Variants in ANKRD17 observed in about 807,000 individuals in gnomAD.
ANKRD17 encodes ankyrin repeat domain 17, also known as ankyrin repeat domain-containing protein 17.
ANKRD17 carries 19 observed loss-of-function variants against 229.7 expected under a neutral mutation model. That is an observed-to-expected ratio of 0.08 (90% CI 0.06 to 0.12). The LOEUF is 0.12. ANKRD17 is among the 10% of genes least tolerant of loss of function. The pLI is 1.00. For synonymous variants in ANKRD17, 1,112 were observed against 1,146.1 expected, an observed-to-expected ratio of 0.97 and a Z score of 0.60; for missense variants, 2,176 against 3,176.8, an observed-to-expected ratio of 0.68 and a Z score of 7.57.
chr4:73,233,330 T>C (rs781769094), intron 1 of ANKRD17, among the ~76,000 whole-genome samples: 15 of 152,192 alleles, frequency 9.9e-5, no homozygotes, highest in Non-Finnish European at 1.5e-4. Context: ...ATTATTTTTA[T>C]ATTATAAAGG....
intron 1 of ANKRD17, among the ~76,000 whole-genome samples, chr4:73,205,638 C>T (rs145933969): frequency 6.6e-6 from 1 of 152,110 alleles, no homozygotes; most frequent in Non-Finnish European, 1.5e-5. Flanking sequence ...TGCAAAACTA[C>T]TAGAAGAAAA....
intron 2 of ANKRD17, among the ~76,000 whole-genome samples, chr4:73,175,648 T>A (rs1734639933): frequency 6.6e-6 from 1 of 152,092 alleles, no homozygotes; most frequent in Non-Finnish European, 1.5e-5. Context: ...CAGGAATAAA[T>A]CCATACATCT....
At chr4:73,127,214 CA>C (rs1457452856) in intron 16 of ANKRD17, among the ~76,000 whole-genome samples, 1 of 152,074 alleles carries the variant, frequency 6.6e-6, no homozygotes, top group Non-Finnish European at 1.5e-5. Flanking sequence ...GGTGCTAAAA[CA>C]GGAAAGTCCC....
intron 2 of ANKRD17, among the ~76,000 whole-genome samples, chr4:73,175,477 A>G (rs1734614845): frequency 6.6e-6 from 1 of 152,216 alleles, no homozygotes; most frequent in Non-Finnish European, 1.5e-5. Context: ...AAGGAACCTC[A>G]AAAGATCCAG....
rs750473823 is a variant in ANKRD17 at position 73,090,873 on chromosome 4, C to T, written c.6755G>A (p.Gly2252Glu). 4.3e-6 allele frequency: 7 copies of T among 1,614,124 alleles called. No homozygotes were observed. The highest frequency in any genetic ancestry group is 5.9e-6 in the Non-Finnish European group (7 of 1,180,026). Residue 2252 changes from glycine to glutamate, a missense_variant, in exon 29 of 34, where the codon GGG becomes GAG. By Grantham distance (98) the Gly-to-Glu change is moderately conservative. This residue lies in a region of ANKRD17 where 424 missense variants were observed against 454.0 expected (regional missense o/e 0.93). Coordinates refer to ENST00000358602, the MANE Select transcript of ANKRD17 (RefSeq NM_032217.5). ...GTTTTCAAACAATGTGCTAAAGGGC[C>T]CAAATGGTAAGGGGGCACTGAAATT... ...APNFSAPLPFGPFSTLFENSP... is the reference protein window; with the variant it reads ...APNFSAPLPFEPFSTLFENSP...
chr4:73,131,416 A>C (rs2148759561), intron 16 of ANKRD17, among the ~76,000 whole-genome samples: 1 of 152,364 alleles, frequency 6.6e-6, no homozygotes, highest in African/African-American at 2.4e-5. Context: ...TTAGCATTTT[A>C]AAAGGAGTTA....
chr4:73,182,051 C>CAAAAAAAAAAAAAA (rs143812968), intron 1 of ANKRD17, among the ~76,000 whole-genome samples: 1 of 43,258 alleles, frequency 2.3e-5, no homozygotes, highest in Non-Finnish European at 3.6e-5. Flanking sequence ...CCGTCCCCAC[C>CAAAAAAAAAAAAAA]AAAAAAAAAA....
intron 15 of ANKRD17, among the ~76,000 whole-genome samples, chr4:73,136,157 A>C (rs1299473099): frequency 6.6e-6 from 1 of 152,128 alleles, no homozygotes; most frequent in African/African-American, 2.4e-5. Flanking sequence ...TTATTCTCTC[A>C]TTGCCTTATT....
chr4:73,088,680 T>C (rs561882618), intron 29 of ANKRD17, among the ~76,000 whole-genome samples: 3 of 152,326 alleles, frequency 2.0e-5, no homozygotes, highest in South Asian at 4.1e-4. Flanking sequence ...ATAGTACACA[T>C]AAATATTTCA....
rs1483006536 is a variant in ANKRD17, at chr4:73,139,602, T to G, written c.3014A>C (p.Glu1005Ala). Residue 1005 changes from glutamate to alanine, a missense_variant, in exon 15 of 34, where the codon GAA becomes GCA. Around this residue, in one of 18 missense-constraint regions of ANKRD17, gnomAD observed 230 missense variants for 252.3 expected, o/e 0.91. Transcript: ENST00000358602. ...LAGLGQGILT[E>A]TQQGLMVASP... is the part of the protein sequence containing the mutation. ...GGCTACCATTAACCCTTGTTGTGTT[T>G]CTGTCAGAATTCCTTGCCCCAGCCC... is the stretch of plus-strand genomic sequence containing the variant. The G allele has an allele frequency of 6.2e-7, 1 of 1,614,160 alleles. No individual in the cohort carries two copies.
chr4:73,135,952 A>T (rs1056854491), intron 15 of ANKRD17, among the ~76,000 whole-genome samples: 1 of 152,224 alleles, frequency 6.6e-6, no homozygotes, highest in Non-Finnish European at 1.5e-5. Flanking sequence ...AAATTAAAAG[A>T]TTAGGGTAGA....
rs755123004 is a variant in ANKRD17, at chr4:73,077,052, A to G, written c.7640T>C (p.Ile2547Thr). The G allele has an allele frequency of 6.2e-7, 1 of 1,613,228 alleles. No individual in the cohort carries two copies. Among genetic ancestry groups the G allele is most frequent in the South Asian group, 1.1e-5 (1 of 90,822 alleles). ...GNAMIPPVAP[I>T]PDGAGGPIFN... ...TATGGGTCCTCCAGCACCATCAGGG[A>G]TAGGTGCTACTGGAGGAATCATTGC... The change falls in exon 33 of 34, where the codon ATC becomes ACC. Residue 2547 changes from isoleucine (I) to threonine (T), a missense_variant. This residue lies in a region of ANKRD17 where 159 missense variants were observed against 214.3 expected (regional missense o/e 0.74). Coordinates refer to ENST00000358602, the MANE Select transcript of ANKRD17 (RefSeq NM_032217.5).
chr4:73,142,305 GTTA>G lies in ANKRD17; in HGVS notation c.2163_2165del (p.Asn722del). 1 of 1,564,268 alleles carries G rather than the reference GTTA, an allele frequency of 6.4e-7. No individual in the cohort carries two copies. The highest frequency in any genetic ancestry group is 8.6e-7 in the Non-Finnish European group (1 of 1,167,524). On this transcript the variant is annotated inframe_deletion, in exon 13 of 34. Coordinates refer to ENST00000358602, the MANE Select transcript of ANKRD17 (RefSeq NM_032217.5). Reference sequence around the variant, plus strand: ...CATCTGGTGGAGGGGCTGAAAGCAAGTTATTAGGATAATCCAAGAGATAGCAAA... The same window carrying G: ...CATCTGGTGGAGGGGCTGAAAGCAAGTTAGGATAATCCAAGAGATAGCAAA...
At chr4:73,100,027 C>T (rs939315869) in intron 25 of ANKRD17, among the ~76,000 whole-genome samples, 1 of 152,178 alleles carries the variant, frequency 6.6e-6, no homozygotes, top group Non-Finnish European at 1.5e-5. Flanking sequence ...ACCCTGCCTG[C>T]TCCCAACCCT....
intron 26 of ANKRD17, 91 bp from the exon 27 acceptor site, chr4:73,097,363 T>C (rs1723419370): frequency 3.5e-6 from 4 of 1,137,446 alleles, no homozygotes; most frequent in Non-Finnish European, 4.8e-6. Context: ...TTTTTAAAAA[T>C]TTATTTTTAA....
At chr4:73,105,158 A>G (rs935543180) in intron 24 of ANKRD17, among the ~76,000 whole-genome samples, 1 of 152,180 alleles carries the variant, frequency 6.6e-6, no homozygotes, top group African/African-American at 2.4e-5. Flanking sequence ...TATGGCTACA[A>G]AATGACCCAA....
intron 2 of ANKRD17, among the ~76,000 whole-genome samples, chr4:73,165,531 G>A (rs560575431): frequency 2.0e-5 from 3 of 152,158 alleles, no homozygotes; most frequent in Non-Finnish European, 4.4e-5. Flanking sequence ...ACACTGGCAG[G>A]TGTGTGTCTA....
At chr4:73,248,528 T>C (rs1302421727) in intron 1 of ANKRD17, among the ~76,000 whole-genome samples, 1 of 152,020 alleles carries the variant, frequency 6.6e-6, no homozygotes, top group East Asian at 1.9e-4. Context: ...CTAGGTAATT[T>C]TGCTAGATGT....
intron 1 of ANKRD17, among the ~76,000 whole-genome samples, chr4:73,211,142 A>G (rs1046396141): frequency 2.0e-5 from 3 of 152,160 alleles, no homozygotes; most frequent in African/African-American, 7.2e-5. Flanking sequence ...AGACCATAAA[A>G]TATTTTAAAT....
Sources: gnomAD v4.1 joint callset for allele counts (sites outside exome capture counted in the v4.1 genomes callset) on GRCh38, gnomAD v4.1.1 for gene constraint, gnomAD v4.1.1 regional missense constraint, MANE v1.5 for transcripts, NCBI Gene and HGNC (gene_info 2026-07-23, HGNC 2026-07-21) for gene names.